PREX1: variants seen among roughly 807,000 people sequenced by gnomAD.
PREX1 encodes phosphatidylinositol-3,4,5-trisphosphate dependent Rac exchange factor 1.
A neutral mutation model predicts 198.3 loss-of-function variants in PREX1; 41 were observed. That is an observed-to-expected ratio of 0.21 (90% CI 0.16 to 0.27). The LOEUF is 0.27. Among genes scored for constraint, PREX1 ranks in the 10% least tolerant of loss-of-function variants. PREX1 has a pLI of 1.00. For missense variants in PREX1, 1,620 were observed against 2,200.7 expected (o/e 0.74, Z 5.28); for synonymous variants, 843 against 887.2 (o/e 0.95, Z 0.89).
At chr20:48,887,077 G>A in the PREX1 span, among the ~76,000 whole-genome samples, 1 of 152,210 alleles carries the variant, frequency 6.6e-6, no homozygotes, top group African/African-American at 2.4e-5. Context: ...CTGAAGCCTA[G>A]AGAAGGTAGG....
chr20:48,878,696 T>C, the PREX1 span, among the ~76,000 whole-genome samples: 359 of 152,240 alleles, frequency 2.4e-3, 3 homozygotes, highest in African/African-American at 8.5e-3. Flanking sequence ...TCCTTCCATG[T>C]GTTTTAGGAA....
intron 1 of PREX1, among the ~76,000 whole-genome samples, chr20:48,797,305 C>T (rs575885927): frequency 6.6e-6 from 1 of 151,930 alleles, no homozygotes; most frequent in Non-Finnish European, 1.5e-5. Context: ...TCCAGCAGAG[C>T]AGGACAAAGG....
intron 12 of PREX1, 94 bp downstream of exon 12, chr20:48,679,557 C>T (rs2089734197): frequency 1.4e-6 from 2 of 1,419,012 alleles, no homozygotes; most frequent in South Asian, 1.2e-5. Flanking sequence ...AGAAGGCAAA[C>T]AAGCCAAGGG....
chr20:48,843,768 T>A, the PREX1 span, among the ~76,000 whole-genome samples: 1 of 152,136 alleles, frequency 6.6e-6, no homozygotes, highest in Non-Finnish European at 1.5e-5. Context: ...AGAGTGGGGA[T>A]GCAGATGTGG....
At chr20:48,800,142 T>A (rs190363329) in intron 1 of PREX1, among the ~76,000 whole-genome samples, 8 of 152,190 alleles carry the variant, frequency 5.3e-5, no homozygotes, top group African/African-American at 1.9e-4. Context: ...ACCCTTAAGG[T>A]AGCTACTATA....
upstream of PREX1, among the ~76,000 whole-genome samples, chr20:48,828,722 C>T (rs528050668): frequency 2.0e-5 from 3 of 152,338 alleles, no homozygotes; most frequent in East Asian, 5.8e-4. Flanking sequence ...CTTCTTTGCC[C>T]CCTGACCCTG....
intron 1 of PREX1, among the ~76,000 whole-genome samples, chr20:48,789,240 C>A (rs1401899228): frequency 6.6e-6 from 1 of 152,178 alleles, no homozygotes; most frequent in Non-Finnish European, 1.5e-5. Flanking sequence ...CCAGCTTCAC[C>A]CAACTTCACA....
Position 48,708,335 on chromosome 20 carries a change from G to A in PREX1, c.708C>T (p.Asn236=). 1 of 1,614,152 alleles carries A rather than the reference G, an allele frequency of 6.2e-7. No homozygotes were observed. The highest frequency in any genetic ancestry group is 8.5e-7 in the Non-Finnish European group (1 of 1,180,036). The change falls in exon 6 of 40, where the codon AAC becomes AAT. Residue 236 remains asparagine (N), a synonymous_variant. Coordinates refer to ENST00000371941, the MANE Select transcript of PREX1 (RefSeq NM_020820.4). ...CCATCTGCCGCTTGGTCTCATTGAT[G>A]TTGGAGCAAACGGTCTTCATGGCCT... The part of the protein sequence containing the change: ...ALQAMKTVCS[N]INETKRQMEK...
At chr20:48,692,541 T>C (rs745562649) in intron 8 of PREX1, 131 bp downstream of exon 8, 1 of 700,990 alleles carries the variant, frequency 1.4e-6, no homozygotes, top group Non-Finnish European at 2.4e-6. Context: ...GCATCTATGC[T>C]CTGGGCACTT....
At position 48,629,359 on chromosome 20, in the gene PREX1, G is replaced by C; in HGVS notation, c.4766+90C>G. The C allele has an allele frequency of 6.0e-6, 9 of 1,496,892 alleles. No homozygotes were observed. The South Asian group carries it at 1.1e-4, about 19-fold the overall frequency. 92.7% of individuals were successfully genotyped at this position (1,496,892 alleles called of 1,614,324 possible). On this transcript the variant is annotated intron_variant, in intron 37 of 39. Coordinates refer to ENST00000371941, the MANE Select transcript of PREX1 (RefSeq NM_020820.4). ...ATGGCAGAACCAGGATTGGAACCCAGCCTTCCTGCCTCCTTGCCACAGGAC... is the reference window on the plus strand; with the variant it reads ...ATGGCAGAACCAGGATTGGAACCCACCCTTCCTGCCTCCTTGCCACAGGAC...
the PREX1 span, among the ~76,000 whole-genome samples, chr20:48,838,842 A>G: frequency 2.6e-5 from 4 of 151,972 alleles, no homozygotes; most frequent in Non-Finnish European, 5.9e-5. Context: ...CCTGGCCAAC[A>G]TGGCAAAACC....
intron 3 of PREX1, among the ~76,000 whole-genome samples, chr20:48,743,478 C>T (rs549595051): frequency 6.6e-6 from 1 of 152,310 alleles, no homozygotes; most frequent in South Asian, 2.1e-4. Context: ...CTCACAGCAG[C>T]CAAAGGGCCT....
At chr20:48,707,999 G>A (rs2089911400) in intron 6 of PREX1, among the ~76,000 whole-genome samples, 1 of 152,128 alleles carries the variant, frequency 6.6e-6, no homozygotes, top group Non-Finnish European at 1.5e-5. Context: ...GGGGGTGGTG[G>A]GGACTGAAGG....
At chr20:48,797,061 T>C (rs921571661) in intron 1 of PREX1, among the ~76,000 whole-genome samples, 1 of 151,946 alleles carries the variant, frequency 6.6e-6, no homozygotes, top group African/African-American at 2.4e-5. Flanking sequence ...GTATTGTACA[T>C]TTTGCATACA....
chr20:48,812,332 GAGGAATGGGTAAATAACA>G (rs2090439983), intron 1 of PREX1, among the ~76,000 whole-genome samples: 1 of 151,150 alleles, frequency 6.6e-6, no homozygotes, highest in African/African-American at 2.4e-5. Context: ...AATAACATAA[GAGGAATGGGTAAATAACA>G]TAAGAGGAAT....
chr20:48,853,649 A>G, the PREX1 span, among the ~76,000 whole-genome samples: 3 of 152,146 alleles, frequency 2.0e-5, no homozygotes, highest in Non-Finnish European at 4.4e-5. Context: ...TTGGTACACC[A>G]TGCACACACA....
chr20:48,886,959 C>T, the PREX1 span, among the ~76,000 whole-genome samples: 85 of 152,302 alleles, frequency 5.6e-4, no homozygotes, highest in African/African-American at 1.8e-3. Context: ...TGCAAAATCC[C>T]TTTAGCAATA....
At chr20:48,825,270 T>C (rs2090503786) in intron 1 of PREX1, among the ~76,000 whole-genome samples, 1 of 152,146 alleles carries the variant, frequency 6.6e-6, no homozygotes, top group African/African-American at 2.4e-5. Flanking sequence ...TGGCACCAGC[T>C]TGGGGACACA....
intron 15 of PREX1, among the ~76,000 whole-genome samples, chr20:48,661,932 G>C (rs934986855): frequency 6.6e-6 from 1 of 152,218 alleles, no homozygotes; most frequent in Non-Finnish European, 1.5e-5. Flanking sequence ...GGCTCGGAGA[G>C]GTAAAGGCAG....
Sources: gnomAD v4.1 joint callset for allele counts (sites outside exome capture counted in the v4.1 genomes callset) on GRCh38, gnomAD v4.1.1 for gene constraint, MANE v1.5 for transcripts, NCBI Gene and HGNC (gene_info 2026-07-23, HGNC 2026-07-21) for gene names.